Variants in ZFPM1 observed in about 807,000 individuals in gnomAD.
ZFPM1 encodes the protein zinc finger protein ZFPM1.
A neutral mutation model predicts 46.3 loss-of-function variants in ZFPM1; 28 were observed. The observed-to-expected ratio is 0.60, with a 90% CI of 0.45 to 0.83. The LOEUF is 0.83. ZFPM1 is among the 40% of genes least tolerant of loss of function. The pLI, the probability that ZFPM1 is intolerant of heterozygous loss-of-function variation, is 0.00. For synonymous variants in ZFPM1, 957 were observed against 675.9 expected, an observed-to-expected ratio of 1.42 and a Z score of -6.45; for missense variants, 1,878 against 1,432.4, an observed-to-expected ratio of 1.31 and a Z score of -5.02.
rs1387255431 is a variant in ZFPM1 at position 88,460,952 on chromosome 16, G to A, written c.40+7274G>A. ...CGGGAGGCCTGGTGATGACCGAGGG[G>A]CGGGGCGGGAGGCCTGGTGAGGACC... On this transcript the variant is annotated intron_variant, in intron 1 of 9. Coordinates refer to ENST00000319555, the MANE Select transcript of ZFPM1 (RefSeq NM_153813.3). Among the ~76,000 whole-genome samples, 88 of 51,096 alleles carry A rather than the reference G, an allele frequency of 1.7e-3. 3 individuals carry two copies. Among genetic ancestry groups the A allele is most frequent in the Non-Finnish European group, 2.6e-3 (75 of 28,842 alleles). The allele number at this position is 51,096 out of a possible 152,430, so 33.5% of individuals were successfully genotyped here.
chr16:88,485,842 C>G, intron 1 of ZFPM1, 97 bp from the exon 2 acceptor site: 1 of 1,176,500 alleles, frequency 8.5e-7, no homozygotes, highest in Non-Finnish European at 1.2e-6. Flanking sequence ...GCCATTTCCG[C>G]CTGGGCACCG....
At position 88,471,045 on chromosome 16, in the gene ZFPM1, C is replaced by T. The variant is rs1023177427; in HGVS notation, c.41-14894C>T. ...CCTCCGCGACAGGCATTCCCTTCCCCGTGTGCCCTTGCCAACTACATACTG... is the reference window on the plus strand; with the variant it reads ...CCTCCGCGACAGGCATTCCCTTCCCTGTGTGCCCTTGCCAACTACATACTG... On this transcript the variant is annotated intron_variant, in intron 1 of 9. Coordinates refer to ENST00000319555, the MANE Select transcript of ZFPM1 (RefSeq NM_153813.3). The surrounding 1 kb of genome is among the most constrained non-coding windows in gnomAD (Gnocchi z 4.1). Among the ~76,000 whole-genome samples the T allele has an allele frequency of 6.6e-6, 1 of 152,182 alleles. No individual in the cohort carries two copies. The highest frequency in any genetic ancestry group is 1.5e-5 in the Non-Finnish European group (1 of 68,020).
chr16:88,532,321 C>G, intron 7 of ZFPM1, 86 bp downstream of exon 7: 1 of 1,290,248 alleles, frequency 7.8e-7, no homozygotes. Context: ...AACCCACATG[C>G]AAGCACACAC....
intron 2 of ZFPM1, 124 bp from the exon 3 acceptor site, chr16:88,488,907 G>GGT: frequency 7.0e-7 from 1 of 1,428,678 alleles, no homozygotes; most frequent in East Asian, 2.4e-5. Context: ...AGGAGATGGG[G>GGT]GTGGCTCTGG....
At chr16:88,520,548 G>A (rs1252631353) in intron 4 of ZFPM1, among the ~76,000 whole-genome samples, 1 of 90,284 alleles carries the variant, frequency 1.1e-5, no homozygotes, top group Non-Finnish European at 2.3e-5. Context: ...GTGGCTGAAA[G>A]GATGGATGGA....
chr16:88,530,814 GCT>G (rs1912730226), intron 6 of ZFPM1: 1 of 152,342 alleles, frequency 6.6e-6, no homozygotes, highest in Non-Finnish European at 1.5e-5. Context: ...AGAGGACAGA[GCT>G]GCCTGCAGCC....
intron 3 of ZFPM1, among the ~76,000 whole-genome samples, chr16:88,504,346 C>T (rs1186957196): frequency 6.6e-6 from 1 of 152,156 alleles, no homozygotes; most frequent in Admixed American, 6.5e-5. Context: ...CAGGGACCCC[C>T]ACCCCAGTTC....
At position 88,534,883 on chromosome 16, in the gene ZFPM1, C is replaced by G; in HGVS notation, c.2925C>G (p.Tyr975Ter). The change falls in exon 10 of 10, where the codon TAC becomes TAG. Residue 975 changes from tyrosine (Y) to a stop codon, truncating the protein, a stop_gained. Transcript: ENST00000319555. LOFTEE classifies it high-confidence loss of function. Reference protein sequence around the residue: ...PAPLPNGNHRYCRLCNIKFSS... With the variant: ...PAPLPNGNHR ...CGCTGCCCAACGGCAACCACCGGTACTGCCGTCTTTGCAACATCAAGTTCA... is the reference window on the plus strand; with the variant it reads ...CGCTGCCCAACGGCAACCACCGGTAGTGCCGTCTTTGCAACATCAAGTTCA... 6.4e-7 allele frequency: 1 copy of G among 1,568,870 alleles called. No homozygotes were observed. Among genetic ancestry groups the G allele is most frequent in the Non-Finnish European group, 8.6e-7 (1 of 1,162,358 alleles).
Position 88,458,209 on chromosome 16 carries a change from G to C in ZFPM1, c.40+4531G>C, listed in dbSNP as rs978700467. ...CCGCGCTGCCTTCTCTCCATCCTCC[G>C]GCTTCTGTCTGCCCTGCCACCCTGA... is the stretch of plus-strand genomic sequence containing the variant. On this transcript the variant is annotated intron_variant, in intron 1 of 9. Coordinates refer to ENST00000319555, the MANE Select transcript of ZFPM1 (RefSeq NM_153813.3). Among the ~76,000 whole-genome samples, 69 of 152,288 alleles carry C rather than the reference G, an allele frequency of 4.5e-4. 1 individual carries two copies. Among genetic ancestry groups the C allele is most frequent in the African/African-American group, 1.6e-3 (67 of 41,564 alleles).
intron 6 of ZFPM1, among the ~76,000 whole-genome samples, chr16:88,529,286 C>T (rs1346063267): frequency 1.3e-5 from 2 of 152,168 alleles, no homozygotes; most frequent in East Asian, 3.8e-4. Context: ...CACCGGATGG[C>T]GTTTGGAGGG....
rs140552335 is a variant in ZFPM1, at chr16:88,535,138, C to T, written c.*159C>T. 3.3e-6 allele frequency: 3 copies of T among 904,736 alleles called. No individual in the cohort carries two copies. Among genetic ancestry groups the T allele is most frequent in the African/African-American group, 3.5e-5 (2 of 57,452 alleles). 56.0% of individuals were successfully genotyped at this position (904,736 alleles called of 1,614,324 possible). A position where few individuals can be genotyped will look rare whatever the true frequency, so the allele number is the denominator to read the frequency against. On this transcript the variant is annotated 3_prime_UTR_variant, in exon 10 of 10. Transcript: ENST00000319555. ...GCAGCGCCCGCCTGGACCCTTGGCACTTAATAAAGAAGTTCAGTTTGATGA... is the reference window on the plus strand; with the variant it reads ...GCAGCGCCCGCCTGGACCCTTGGCATTTAATAAAGAAGTTCAGTTTGATGA...
At chr16:88,500,002 C>T (rs1413440988) in intron 3 of ZFPM1, among the ~76,000 whole-genome samples, 1 of 152,234 alleles carries the variant, frequency 6.6e-6, no homozygotes, top group Non-Finnish European at 1.5e-5. Flanking sequence ...GGCTGCCTGC[C>T]GTGCTGCCCT....
chr16:88,454,219 C>G (rs1024383097), intron 1 of ZFPM1, among the ~76,000 whole-genome samples: 24 of 152,132 alleles, frequency 1.6e-4, no homozygotes, highest in African/African-American at 5.6e-4. Context: ...CAGGCACCGG[C>G]CCGCGCCCAC....
At chr16:88,490,204 C>T (rs1909483316) in intron 3 of ZFPM1, among the ~76,000 whole-genome samples, 1 of 152,162 alleles carries the variant, frequency 6.6e-6, no homozygotes, top group Non-Finnish European at 1.5e-5. Flanking sequence ...CAGGTGCCTG[C>T]CACCATGCCC....
At chr16:88,532,982 C>T (rs1450725388) in intron 9 of ZFPM1, 47 bp downstream of exon 9, 2 of 1,608,560 alleles carry the variant, frequency 1.2e-6, no homozygotes, top group South Asian at 2.2e-5. Flanking sequence ...GCCCCCTGAG[C>T]AGTGGGAAGG....
chr16:88,481,345 G>A (rs908707985), intron 1 of ZFPM1, among the ~76,000 whole-genome samples: 2 of 152,272 alleles, frequency 1.3e-5, no homozygotes, highest in African/African-American at 2.4e-5. Context: ...CGTGGGGTCC[G>A]TGTCTGGCTC....
intron 3 of ZFPM1, among the ~76,000 whole-genome samples, chr16:88,499,616 C>T (rs947189910): frequency 7.2e-5 from 11 of 152,256 alleles, no homozygotes; most frequent in Non-Finnish European, 1.5e-4. Context: ...CCTGGGTGGC[C>T]CCTGAATCCC....
chr16:88,502,064 C>CATTTATTTATT (rs139067439), intron 3 of ZFPM1, among the ~76,000 whole-genome samples: 21 of 127,386 alleles, frequency 1.6e-4, no homozygotes, highest in South Asian at 5.4e-4. Flanking sequence ...CCGCCCCCCC[C>CATTTATTTATT]CATTTATTTA....
rs1909399433 is a variant in ZFPM1 at position 88,488,973 on chromosome 16, A to G, written c.146-58A>G. ...CTCAGCATCCTTCCCAGCTACAGGGAGGGGCAGCTCAGTGCCCGGCACTCA... is the reference window on the plus strand; with the variant it reads ...CTCAGCATCCTTCCCAGCTACAGGGGGGGGCAGCTCAGTGCCCGGCACTCA... On this transcript the variant is annotated intron_variant, in intron 2 of 9. Transcript: ENST00000319555. 4 of 1,564,006 alleles carry G rather than the reference A, an allele frequency of 2.6e-6. No individual in the cohort carries two copies. In the South Asian group the frequency reaches 4.7e-5, roughly 18 times the overall value.
Sources: allele counts gnomAD v4.1 joint callset (sites outside exome capture counted in the v4.1 genomes callset), GRCh38; gene constraint gnomAD v4.1.1; non-coding constraint Gnocchi (gnomAD v3.1); transcripts MANE v1.5; gene names NCBI Gene and HGNC (gene_info 2026-07-23, HGNC 2026-07-21).